TAF3: variants seen among roughly 807,000 people sequenced by gnomAD.
The protein encoded by TAF3 is TATA-box binding protein associated factor 3.
Under a neutral mutation model 80.6 loss-of-function variants are expected in TAF3, and 7 were observed. The ratio of observed to expected loss-of-function variants is 0.09; its 90% confidence interval spans 0.05 to 0.16. TAF3 has a LOEUF of 0.16. Ranked by LOEUF, TAF3 falls within the 10% of genes least tolerant of loss-of-function variation. The pLI is 1.00. For synonymous variants in TAF3, 444 were observed against 446.1 expected (o/e 1.00, Z 0.06); for missense variants, 921 against 1,140.2 (o/e 0.81, Z 2.77).
intron 3 of TAF3, among the ~76,000 whole-genome samples, chr10:7,966,766 A>C (rs1831575458): frequency 6.6e-6 from 1 of 152,060 alleles, no homozygotes; most frequent in Non-Finnish European, 1.5e-5. Flanking sequence ...TTAACTTCAA[A>C]CTTACCTAGA....
intron 2 of TAF3, among the ~76,000 whole-genome samples, chr10:7,857,082 A>C (rs1837088462): frequency 1.3e-5 from 2 of 152,218 alleles, no homozygotes; most frequent in Admixed American, 1.3e-4. Context: ...TATAGTTCCA[A>C]CGTGAATGTT....
chr10:7,878,946 C>T (rs1047032614), intron 2 of TAF3, among the ~76,000 whole-genome samples: 3 of 151,874 alleles, frequency 2.0e-5, no homozygotes, highest in Non-Finnish European at 4.4e-5. Flanking sequence ...CAGGCTGGTC[C>T]GGAACTCCTG....
intron 2 of TAF3, among the ~76,000 whole-genome samples, chr10:7,850,686 A>ATAT (rs1554777156): frequency 1.7e-4 from 25 of 150,638 alleles, no homozygotes; most frequent in South Asian, 8.4e-4. Context: ...AAAAAAAAAA[A>ATAT]ATATATATGT....
intron 2 of TAF3, among the ~76,000 whole-genome samples, chr10:7,912,868 C>T (rs928955393): frequency 6.6e-6 from 1 of 152,156 alleles, no homozygotes; most frequent in Non-Finnish European, 1.5e-5. Flanking sequence ...ATCCCTTATG[C>T]TGGTTACCTT....
chr10:7,908,926 G>T (rs1380079708), intron 2 of TAF3, among the ~76,000 whole-genome samples: 2 of 152,252 alleles, frequency 1.3e-5, no homozygotes, highest in Non-Finnish European at 2.9e-5. Flanking sequence ...CTGGGATGGA[G>T]CCCAGAACTT....
At chr10:7,881,478 CACAT>C (rs1330318077) in intron 2 of TAF3, among the ~76,000 whole-genome samples, 2 of 138,696 alleles carry the variant, frequency 1.4e-5, no homozygotes, top group African/African-American at 5.1e-5. Flanking sequence ...CTCAGACACA[CACAT>C]ACACACAAAC....
At chr10:7,880,593 T>A (rs542983556) in intron 2 of TAF3, among the ~76,000 whole-genome samples, 1 of 152,184 alleles carries the variant, frequency 6.6e-6, no homozygotes, top group Non-Finnish European at 1.5e-5. Context: ...CTGCTGACGT[T>A]GTTTCCTTTA....
intron 2 of TAF3, among the ~76,000 whole-genome samples, chr10:7,962,601 C>T (rs556636527): frequency 2.6e-5 from 4 of 152,218 alleles, no homozygotes; most frequent in Non-Finnish European, 4.4e-5. Context: ...TTACACTCCC[C>T]GTGTTTCACC....
intron 2 of TAF3, among the ~76,000 whole-genome samples, chr10:7,888,927 T>C (rs779369592): frequency 6.6e-6 from 1 of 152,224 alleles, no homozygotes; most frequent in Non-Finnish European, 1.5e-5. Flanking sequence ...CCGGTGTATA[T>C]TGTGTCTTGA....
intron 2 of TAF3, among the ~76,000 whole-genome samples, chr10:7,876,087 T>A (rs1413950717): frequency 6.6e-6 from 1 of 152,040 alleles, no homozygotes; most frequent in East Asian, 1.9e-4. Context: ...TTATCTTGTC[T>A]GTATAATAAA....
At chr10:7,846,363 T>C (rs1167721815) in intron 2 of TAF3, among the ~76,000 whole-genome samples, 1 of 152,212 alleles carries the variant, frequency 6.6e-6, no homozygotes, top group Non-Finnish European at 1.5e-5. Flanking sequence ...TATTCTGTCC[T>C]TTCATTTAAA....
intron 2 of TAF3, among the ~76,000 whole-genome samples, chr10:7,895,469 C>G (rs1269967067): frequency 6.6e-6 from 1 of 152,188 alleles, no homozygotes. Flanking sequence ...TTCTTGAAAC[C>G]AATGCATCAC....
chr10:7,834,663 A>G (rs201820107), intron 2 of TAF3, among the ~76,000 whole-genome samples: 3 of 152,312 alleles, frequency 2.0e-5, no homozygotes, highest in East Asian at 3.9e-4. Context: ...ACATCCATAA[A>G]TACTGTCATC....
chr10:7,983,186 G>A lies in TAF3; in HGVS notation c.2315+5863G>A, dbSNP rs1051905705. Among the ~76,000 whole-genome samples the A allele has an allele frequency of 4.6e-5, 7 of 152,132 alleles. 1 individual carries two copies. In the South Asian group the frequency reaches 6.2e-4, roughly 13 times the overall value. ...ATTCTTGGTGCTCACAGTCCCTGGC[G>A]AAGCCCCGCTTCCCGGGCCTCCGTT... On this transcript the variant is annotated intron_variant, in intron 4 of 6. Transcript: ENST00000344293.
chr10:8,008,226 A>G (rs1832016136), intron 4 of TAF3, among the ~76,000 whole-genome samples: 1 of 149,862 alleles, frequency 6.7e-6, no homozygotes, highest in African/African-American at 2.5e-5. Flanking sequence ...CCTCCTGAGT[A>G]GCTGGAATTA....
Position 7,965,191 on chromosome 10 carries a change from G to A in TAF3, c.1681G>A (p.Glu561Lys). The A allele has an allele frequency of 6.2e-7, 1 of 1,605,316 alleles. No individual in the cohort carries two copies. Among genetic ancestry groups the A allele is most frequent in the Admixed American group, 1.7e-5 (1 of 57,924 alleles). Reference sequence around the variant, plus strand: ...AAGTAAGGAGAAGGATAAAGTGAAAGAGAAAGAGAAAGACAAGGAAACTGG... The same window carrying A: ...AAGTAAGGAGAAGGATAAAGTGAAAAAGAAAGAGAAAGACAAGGAAACTGG... ...DKSKEKDKVK[E>K]KEKDKETGRE... Residue 561 changes from glutamate to lysine, a missense_variant, in exon 3 of 7, where the codon GAG becomes AAG. By Grantham distance (56) the Glu-to-Lys change is moderately conservative. This residue lies in a region of TAF3 where 743 missense variants were observed against 821.0 expected (regional missense o/e 0.90). Transcript: ENST00000344293.
At chr10:8,006,317 A>G (rs1831993217) in intron 4 of TAF3, among the ~76,000 whole-genome samples, 1 of 151,924 alleles carries the variant, frequency 6.6e-6, no homozygotes, top group Non-Finnish European at 1.5e-5. Flanking sequence ...CGGAGGTTGC[A>G]GTGAGTCAAG....
chr10:7,966,495 G>A (rs903924553), intron 3 of TAF3, among the ~76,000 whole-genome samples: 1 of 152,164 alleles, frequency 6.6e-6, no homozygotes, highest in African/African-American at 2.4e-5. Context: ...TGTGACCTCT[G>A]CTTACCCAGC....
Position 8,009,069 on chromosome 10 carries a change from TG to T in TAF3, c.2316-8del. 2 of 1,597,088 alleles carry T rather than the reference TG, an allele frequency of 1.3e-6. No homozygotes were observed. The highest frequency in any genetic ancestry group is 1.7e-4 in the Middle Eastern group (1 of 5,992). Reference sequence around the variant, plus strand: ...TTTTGACTTTTACCTTCTCTTCTTTTGTTGACAGTGTCATCAGCAAGGTGGT... The same window carrying T: ...TTTTGACTTTTACCTTCTCTTCTTTTTTGACAGTGTCATCAGCAAGGTGGT... On this transcript the variant is annotated splice_region_variant and splice_polypyrimidine_tract_variant and intron_variant, in intron 4 of 6. Transcript: ENST00000344293. The surrounding 1 kb of genome is among the most constrained non-coding windows in gnomAD (Gnocchi z 4.1).
Sources: gnomAD v4.1 joint callset for allele counts (sites outside exome capture counted in the v4.1 genomes callset) on GRCh38, gnomAD v4.1.1 for gene constraint, gnomAD v4.1.1 regional missense constraint, Gnocchi (gnomAD v3.1) non-coding constraint, MANE v1.5 for transcripts, NCBI Gene and HGNC (gene_info 2026-07-23, HGNC 2026-07-21) for gene names.